GRM1: variants seen among roughly 807,000 people sequenced by gnomAD.
GRM1 encodes glutamate metabotropic receptor 1, also known as metabotropic glutamate receptor 1.
In GRM1, 33 loss-of-function variants were observed where a neutral mutation model predicts 90.9. The ratio of observed to expected loss-of-function variants is 0.36; its 90% CI spans 0.28 to 0.49. The LOEUF is 0.49. Among genes scored for constraint, GRM1 ranks in the 20% least tolerant of loss-of-function variants. The pLI, the probability that GRM1 is intolerant of heterozygous loss-of-function variation, is 0.99. For synonymous variants in GRM1, 700 were observed against 613.2 expected, an observed-to-expected ratio of 1.14 and a Z score of -2.09; for missense variants, 1,190 against 1,534.3, an observed-to-expected ratio of 0.78 and a Z score of 3.75.
At chr6:146,316,998 C>A (rs1197069362) in intron 3 of GRM1, among the ~76,000 whole-genome samples, 5 of 152,180 alleles carry the variant, frequency 3.3e-5, no homozygotes, top group Non-Finnish European at 7.3e-5. Flanking sequence ...AATAGCCATG[C>A]CTACAATTCT....
chr6:146,254,216 C>T (rs921840568), intron 2 of GRM1, among the ~76,000 whole-genome samples: 2 of 152,154 alleles, frequency 1.3e-5, no homozygotes, highest in Non-Finnish European at 2.9e-5. Flanking sequence ...CTGGATGCCA[C>T]TGCAAGAAAG....
intron 2 of GRM1, among the ~76,000 whole-genome samples, chr6:146,243,008 C>T (rs1174589185): frequency 1.3e-5 from 2 of 152,070 alleles, no homozygotes; most frequent in Non-Finnish European, 2.9e-5. Context: ...ATCAGTTATG[C>T]TTAGTCCCAG....
rs115718167 is a variant in GRM1 at position 146,062,931 on chromosome 6, T to C, written c.700+32714T>C. Among the ~76,000 whole-genome samples the C allele has an allele frequency of 2.4e-3, 370 of 152,340 alleles. 2 individuals carry two copies. The highest frequency in any genetic ancestry group is 8.6e-3 in the African/African-American group (358 of 41,584). Reference sequence around the variant, plus strand: ...TTCTCCCTCACCCTTGCCATGCCTTTACAGAGTTTTTCCTTTATTTTTGTG... The same window carrying C: ...TTCTCCCTCACCCTTGCCATGCCTTCACAGAGTTTTTCCTTTATTTTTGTG... On this transcript the variant is annotated intron_variant, in intron 1 of 7. Transcript: ENST00000282753.
chr6:146,112,760 G>T (rs1775607509), intron 1 of GRM1, among the ~76,000 whole-genome samples: 1 of 152,244 alleles, frequency 6.6e-6, no homozygotes, highest in South Asian at 2.1e-4. Context: ...TGGGTTTTAT[G>T]CAACTTCAAA....
chr6:146,163,423 T>C (rs1777805814), intron 2 of GRM1, among the ~76,000 whole-genome samples: 1 of 152,214 alleles, frequency 6.6e-6, no homozygotes, highest in African/African-American at 2.4e-5. Flanking sequence ...AGCACTGTTC[T>C]AAGAACTTTG....
At chr6:146,137,529 G>C (rs1029201425) in intron 1 of GRM1, among the ~76,000 whole-genome samples, 1 of 152,118 alleles carries the variant, frequency 6.6e-6, no homozygotes, top group African/African-American at 2.4e-5. Context: ...CTATGTGTCT[G>C]TTTTTATAAC....
chr6:146,337,664 G>A (rs1784821413), intron 3 of GRM1, among the ~76,000 whole-genome samples: 1 of 151,964 alleles, frequency 6.6e-6, no homozygotes, highest in Admixed American at 6.6e-5. Flanking sequence ...CTCTTCTAAA[G>A]ATACAGCACA....
At chr6:146,095,109 T>C (rs1156241367) in intron 1 of GRM1, among the ~76,000 whole-genome samples, 2 of 152,128 alleles carry the variant, frequency 1.3e-5, no homozygotes, top group African/African-American at 4.8e-5. Context: ...TAGATAACCC[T>C]ATAATGTCTT....
At chr6:146,337,811 G>A (rs758582345) in intron 3 of GRM1, among the ~76,000 whole-genome samples, 10 of 152,100 alleles carry the variant, frequency 6.6e-5, no homozygotes, top group Admixed American at 2.6e-4. Flanking sequence ...GCCACAAACA[G>A]GAATACACAA....
intron 1 of GRM1, among the ~76,000 whole-genome samples, chr6:146,132,628 G>T (rs553379706): frequency 1.3e-5 from 2 of 152,112 alleles, no homozygotes; most frequent in East Asian, 3.9e-4. Flanking sequence ...TTTTAGAATG[G>T]GTCCAGGAAA....
At chr6:146,052,106 T>C (rs957753617) in intron 1 of GRM1, among the ~76,000 whole-genome samples, 2 of 152,070 alleles carry the variant, frequency 1.3e-5, no homozygotes, top group South Asian at 2.1e-4. Context: ...CATTACAAAG[T>C]AGGATTTTTT....
chr6:146,116,824 A>G (rs1015146901), intron 1 of GRM1, among the ~76,000 whole-genome samples: 3 of 151,970 alleles, frequency 2.0e-5, no homozygotes, highest in South Asian at 2.1e-4. Flanking sequence ...TGTTTTGTCA[A>G]TGTGAAAATT....
chr6:146,161,969 G>A (rs1403928742), intron 2 of GRM1, among the ~76,000 whole-genome samples: 1 of 152,104 alleles, frequency 6.6e-6, no homozygotes, highest in Non-Finnish European at 1.5e-5. Context: ...TATCGGGGAT[G>A]GATTCTATCC....
At chr6:146,265,956 C>T (rs1024951438) in intron 2 of GRM1, among the ~76,000 whole-genome samples, 2 of 152,004 alleles carry the variant, frequency 1.3e-5, no homozygotes, top group Non-Finnish European at 2.9e-5. Context: ...TTTGGGAGGC[C>T]GAGGTGGGCG....
chr6:146,346,712 G>T (rs988901424), intron 3 of GRM1, among the ~76,000 whole-genome samples: 1 of 152,090 alleles, frequency 6.6e-6, no homozygotes, highest in African/African-American at 2.4e-5. Context: ...ATAAATCTAA[G>T]ACTCAGGCAA....
chr6:146,373,775 GT>G (rs1775991700), intron 5 of GRM1, among the ~76,000 whole-genome samples: 2 of 152,050 alleles, frequency 1.3e-5, no homozygotes, highest in African/African-American at 4.8e-5. Flanking sequence ...CAGTCCTTAG[GT>G]TTTCCCAAAT....
At chr6:146,164,587 C>G (rs549262580) in intron 2 of GRM1, among the ~76,000 whole-genome samples, 1 of 152,134 alleles carries the variant, frequency 6.6e-6, no homozygotes, top group East Asian at 1.9e-4. Context: ...AACAATTCAT[C>G]TGTAAAATTG....
chr6:146,427,609 G>T (rs1778258020), intron 7 of GRM1, among the ~76,000 whole-genome samples: 1 of 152,202 alleles, frequency 6.6e-6, no homozygotes, highest in South Asian at 2.1e-4. Context: ...GAAGTCTGTT[G>T]TCTGCCTTTC....
chr6:146,392,799 T>C (rs1776779070), intron 6 of GRM1, among the ~76,000 whole-genome samples: 1 of 152,168 alleles, frequency 6.6e-6, no homozygotes, highest in African/African-American at 2.4e-5. Flanking sequence ...GGTTTTCTGT[T>C]CCTGTGTTAG....
Sources: gnomAD v4.1 joint callset for allele counts (sites outside exome capture counted in the v4.1 genomes callset) on GRCh38, gnomAD v4.1.1 for gene constraint, MANE v1.5 for transcripts, NCBI Gene and HGNC (gene_info 2026-07-23, HGNC 2026-07-21) for gene names.